The following KDM4B variants were observed in gnomAD, a reference collection of about 807,000 sequenced individuals.
KDM4B encodes the protein lysine-specific demethylase 4B.
KDM4B carries 32 observed loss-of-function variants against 125.2 expected under a neutral mutation model. The observed-to-expected ratio is 0.26, with a 90% CI of 0.19 to 0.34. KDM4B has a LOEUF of 0.34. Ranked by LOEUF, KDM4B falls within the 10% of genes least tolerant of loss-of-function variation. The pLI, the probability that KDM4B is intolerant of heterozygous loss-of-function variation, is 1.00. For missense variants in KDM4B, 1,190 were observed against 1,577.7 expected, an observed-to-expected ratio of 0.75 and a Z score of 4.16; for synonymous variants, 721 against 677.9, an observed-to-expected ratio of 1.06 and a Z score of -0.99.
At chr19:5,060,353 G>A (rs927128964) in intron 6 of KDM4B, among the ~76,000 whole-genome samples, 4 of 148,310 alleles carry the variant, frequency 2.7e-5, no homozygotes, top group African/African-American at 1.0e-4. Flanking sequence ...ACAGGAGAAT[G>A]GCGTGAACCC....
intron 1 of KDM4B, among the ~76,000 whole-genome samples, chr19:4,981,790 C>T (rs1232077359): frequency 6.6e-6 from 1 of 152,184 alleles, no homozygotes; most frequent in Non-Finnish European, 1.5e-5. Flanking sequence ...CTGCTCTCCC[C>T]TGACAGAGGA....
At chr19:5,024,061 T>G (rs1396063856) in intron 2 of KDM4B, among the ~76,000 whole-genome samples, 1 of 152,294 alleles carries the variant, frequency 6.6e-6, no homozygotes, top group East Asian at 1.9e-4. Flanking sequence ...TTCTTATTTT[T>G]AAACCGATTC....
chr19:5,127,327 C>T (rs993384398), intron 11 of KDM4B, among the ~76,000 whole-genome samples: 9 of 152,290 alleles, frequency 5.9e-5, no homozygotes, highest in East Asian at 1.9e-4. Context: ...GACAGAGCCC[C>T]GAGGAATGGC....
chr19:5,037,066 T>C (rs2036650959), intron 3 of KDM4B, among the ~76,000 whole-genome samples: 1 of 152,244 alleles, frequency 6.6e-6, no homozygotes, highest in African/African-American at 2.4e-5. Flanking sequence ...CCCGAGGCGT[T>C]CTTTCAAGAG....
At chr19:5,071,804 G>C (rs1369417409) in intron 7 of KDM4B, among the ~76,000 whole-genome samples, 1 of 144,230 alleles carries the variant, frequency 6.9e-6, no homozygotes, top group Non-Finnish European at 1.5e-5. Context: ...AGCACAACAG[G>C]GGTGCAAGTT....
intron 22 of KDM4B, 86 bp from the exon 23 acceptor site, chr19:5,151,249 A>G: frequency 8.5e-7 from 1 of 1,176,824 alleles, no homozygotes. Flanking sequence ...GTGTCCAGCC[A>G]GCTCCTCTCA....
At chr19:5,017,571 A>G (rs1250516990) in intron 2 of KDM4B, among the ~76,000 whole-genome samples, 1 of 152,076 alleles carries the variant, frequency 6.6e-6, no homozygotes, top group East Asian at 1.9e-4. Context: ...TGGTTTGGAA[A>G]TTGGCAGGTC....
intron 9 of KDM4B, among the ~76,000 whole-genome samples, chr19:5,100,737 G>A (rs1164309303): frequency 6.6e-6 from 1 of 152,032 alleles, no homozygotes; most frequent in Non-Finnish European, 1.5e-5. Flanking sequence ...TTATTAATTT[G>A]TTTTCTGGAA....
chr19:5,142,567 G>A lies in KDM4B; in HGVS notation c.2551-1400G>A, dbSNP rs1457778063. Among the ~76,000 whole-genome samples the A allele has an allele frequency of 6.6e-6, 1 of 152,150 alleles. No homozygotes were observed. The highest frequency in any genetic ancestry group is 2.4e-5 in the African/African-American group (1 of 41,540). ...CCGGGGCTGGGTTTCTCCTGGGCCT[G>A]GGCCGAGGGGTGGAGGCCTGTGGGT... On this transcript the variant is annotated intron_variant, in intron 18 of 22. Coordinates refer to ENST00000159111, the MANE Select transcript of KDM4B (RefSeq NM_015015.3). The surrounding 1 kb of genome is among the most constrained non-coding windows in gnomAD (Gnocchi z 5.4).
At chr19:5,063,651 G>A (rs949958325) in intron 6 of KDM4B, among the ~76,000 whole-genome samples, 12 of 152,206 alleles carry the variant, frequency 7.9e-5, no homozygotes, top group South Asian at 2.1e-4. Context: ...GCCCAGCAAC[G>A]CAGGCAGGGA....
In KDM4B at chr19:5,060,458, AAAAAAG is replaced by A. The variant is rs60351434; in HGVS notation, c.627-10551_627-10546del. ...CAAAAAAAAAAAAAAAAAAAAAAAA[AAAAAAG>A]GGAGCCATGATTGTTCTCCAGCTGC... is the stretch of plus-strand genomic sequence containing the variant. On this transcript the variant is annotated intron_variant, in intron 6 of 22. Transcript: ENST00000159111. 6.0e-3 allele frequency among the ~76,000 whole-genome samples: 831 copies of A among 139,208 alleles called. 117 individuals carry two copies. Among genetic ancestry groups the A allele is most frequent in the South Asian group, 0.019 (83 of 4,280 alleles). The allele number at this position is 139,208 out of a possible 152,430, so 91.3% of individuals were successfully genotyped here.
In KDM4B at chr19:5,083,604, C is replaced by T. The variant is rs540313255; in HGVS notation, c.918+1100C>T. ...TGTCCCGGCAGGCCAGGCTCGGCCA[C>T]GTGGCCCTGGCTCAGGGCTGCTGTT... On this transcript the variant is annotated intron_variant, in intron 9 of 22. Coordinates refer to ENST00000159111, the MANE Select transcript of KDM4B (RefSeq NM_015015.3). 4.9e-4 allele frequency among the ~76,000 whole-genome samples: 74 copies of T among 152,324 alleles called. No individual in the cohort carries two copies. The South Asian group carries it at 7.7e-3, about 16-fold the overall frequency.
chr19:5,028,378 A>G (rs527427893), intron 2 of KDM4B, among the ~76,000 whole-genome samples: 1 of 152,246 alleles, frequency 6.6e-6, no homozygotes, highest in Admixed American at 6.5e-5. Context: ...GATGTCCTCA[A>G]GGTTCCTCCA....
rs781329187 is a variant in KDM4B, at chr19:4,987,905, G to C, written c.-109+18675G>C. Among the ~76,000 whole-genome samples the C allele has an allele frequency of 3.7e-4, 56 of 152,210 alleles. 1 individual carries two copies. Among genetic ancestry groups the C allele is most frequent in the Non-Finnish European group, 6.8e-4 (46 of 68,036 alleles). ...GAGGTAGACAGGATAGGCCTGGCTGGTGGGTTGAATGTGGAGTGGGGAGAT... is the reference window on the plus strand; with the variant it reads ...GAGGTAGACAGGATAGGCCTGGCTGCTGGGTTGAATGTGGAGTGGGGAGAT... On this transcript the variant is annotated intron_variant, in intron 1 of 22. Coordinates refer to ENST00000159111, the MANE Select transcript of KDM4B (RefSeq NM_015015.3).
intron 1 of KDM4B, among the ~76,000 whole-genome samples, chr19:5,010,439 C>A (rs574151893): frequency 6.6e-6 from 1 of 152,302 alleles, no homozygotes; most frequent in South Asian, 2.1e-4. Flanking sequence ...ACTCCTTTTC[C>A]CTTTGGGACT....
Position 5,140,829 on chromosome 19 carries a change from C to T in KDM4B, c.2550+2759C>T, listed in dbSNP as rs537850918. Reference sequence around the variant, plus strand: ...TGTGGCAGCGCTGATGGGGAGGACGCATTTGTCCCTGTGCACTCCGGCCTC... The same window carrying T: ...TGTGGCAGCGCTGATGGGGAGGACGTATTTGTCCCTGTGCACTCCGGCCTC... On this transcript the variant is annotated intron_variant, in intron 18 of 22. Coordinates refer to ENST00000159111, the MANE Select transcript of KDM4B (RefSeq NM_015015.3). 6 of 152,310 alleles carry T rather than the reference C, an allele frequency of 3.9e-5. No individual in the cohort carries two copies. The South Asian group carries it at 1.2e-3, about 32-fold the overall frequency. 9.4% of individuals were successfully genotyped at this position (152,310 alleles called of 1,614,324 possible).
rs1301996906 is a variant in KDM4B, at chr19:5,142,652, C to A, written c.2551-1315C>A. On this transcript the variant is annotated intron_variant, in intron 18 of 22. Coordinates refer to ENST00000159111, the MANE Select transcript of KDM4B (RefSeq NM_015015.3). This position sits in a 1 kb window ranked among gnomAD's most constrained non-coding sequence, Gnocchi z 5.4. Reference sequence around the variant, plus strand: ...CAGTGTCCAGGTGGGGCCTCTCCCCCACCCCCAGGCTCCCCAGGGAGCACA... The same window carrying A: ...CAGTGTCCAGGTGGGGCCTCTCCCCAACCCCCAGGCTCCCCAGGGAGCACA... Among the ~76,000 whole-genome samples, 3 of 152,148 alleles carry A rather than the reference C, an allele frequency of 2.0e-5. No individual in the cohort carries two copies. The highest frequency in any genetic ancestry group is 2.9e-5 in the Non-Finnish European group (2 of 68,010).
rs2038338519 is a variant in KDM4B at position 5,082,679 on chromosome 19, T to G, written c.918+175T>G. ...AGAGAGCTTTTGCCCAGAACGCTCC[T>G]TACCTCGAAGACTGGAGAGGAGGTG... On this transcript the variant is annotated intron_variant, in intron 9 of 22. Coordinates refer to ENST00000159111, the MANE Select transcript of KDM4B (RefSeq NM_015015.3). This position sits in a 1 kb window ranked among gnomAD's most constrained non-coding sequence, Gnocchi z 5.4. 6.6e-6 allele frequency among the ~76,000 whole-genome samples: 1 copy of G among 152,134 alleles called. No homozygotes were observed. The highest frequency in any genetic ancestry group is 2.4e-5 in the African/African-American group (1 of 41,430).
chr19:5,059,646 G>A (rs2037521426), intron 6 of KDM4B, among the ~76,000 whole-genome samples: 1 of 152,220 alleles, frequency 6.6e-6, no homozygotes. Context: ...GCTCTCCAAA[G>A]CTAGTCCCAT....
Sources: allele counts gnomAD v4.1 joint callset (sites outside exome capture counted in the v4.1 genomes callset), GRCh38; gene constraint gnomAD v4.1.1; non-coding constraint Gnocchi (gnomAD v3.1); transcripts MANE v1.5; gene names NCBI Gene and HGNC (gene_info 2026-07-23, HGNC 2026-07-21).